Variants in CLSTN1 observed in about 807,000 individuals in gnomAD.
CLSTN1 encodes the protein calsyntenin-1.
Under a neutral mutation model 108.3 loss-of-function variants are expected in CLSTN1, and 28 were observed. That is an observed-to-expected ratio of 0.26 (90% CI 0.19 to 0.35). The LOEUF is 0.35. Among genes scored for constraint, CLSTN1 ranks in the 10% least tolerant of loss-of-function variants. The probability of loss-of-function intolerance (pLI) is 1.00; values close to 1 mark genes in which losing one functional copy is unlikely to be tolerated. For synonymous variants in CLSTN1, 524 were observed against 534.9 expected, an observed-to-expected ratio of 0.98 and a Z score of 0.28; for missense variants, 1,157 against 1,302.6, an observed-to-expected ratio of 0.89 and a Z score of 1.72.
chr1:9,760,687 T>TG (rs1652028954), intron 2 of CLSTN1, among the ~76,000 whole-genome samples: 1 of 140,552 alleles, frequency 7.1e-6, no homozygotes, highest in Admixed American at 7.0e-5. Flanking sequence ...TTCCCGGGTT[T>TG]TTTTTTTTTT....
chr1:9,800,288 A>C (rs1170178376), intron 1 of CLSTN1, among the ~76,000 whole-genome samples: 3 of 151,990 alleles, frequency 2.0e-5, no homozygotes, highest in African/African-American at 7.2e-5. Context: ...CAAAACCAAA[A>C]GCTGGTTTTT....
At chr1:9,740,425 G>T (rs1405508256) in intron 10 of CLSTN1, among the ~76,000 whole-genome samples, 2 of 152,186 alleles carry the variant, frequency 1.3e-5, no homozygotes, top group East Asian at 3.8e-4. Context: ...GGTGACACCT[G>T]GCTTGCTGCT....
intron 2 of CLSTN1, among the ~76,000 whole-genome samples, chr1:9,771,380 C>G (rs765816366): frequency 6.6e-6 from 1 of 152,050 alleles, no homozygotes; most frequent in Non-Finnish European, 1.5e-5. Context: ...CTTTGGGAGG[C>G]CAAGGCGGGT....
At chr1:9,750,618 G>A (rs1047718587) in intron 5 of CLSTN1, among the ~76,000 whole-genome samples, 8 of 150,286 alleles carry the variant, frequency 5.3e-5, no homozygotes, top group Admixed American at 1.3e-4. Context: ...AGGCTGTGGC[G>A]GGAGGATCCC....
intron 2 of CLSTN1, among the ~76,000 whole-genome samples, chr1:9,763,489 C>A (rs2101133387): frequency 6.6e-6 from 1 of 152,312 alleles, no homozygotes; most frequent in African/African-American, 2.4e-5. Context: ...CCAGATGACT[C>A]CAACACAGAC....
intron 2 of CLSTN1, among the ~76,000 whole-genome samples, chr1:9,765,967 G>C (rs1462911306): frequency 6.6e-6 from 1 of 152,068 alleles, no homozygotes; most frequent in Non-Finnish European, 1.5e-5. Context: ...AGCAAAACTG[G>C]GCAGTGAAAT....
At position 9,735,472 on chromosome 1, in the gene CLSTN1, T is replaced by G. The variant is rs1179184976; in HGVS notation, c.1878A>C (p.Thr626=). 9 of 1,614,154 alleles carry G rather than the reference T, an allele frequency of 5.6e-6. No individual in the cohort carries two copies. The highest frequency in any genetic ancestry group is 7.6e-6 in the Non-Finnish European group (9 of 1,180,020). The change falls in exon 13 of 19, where the codon ACA becomes ACC. Residue 626 remains threonine (T), a synonymous_variant. Coordinates refer to ENST00000377298, the MANE Select transcript of CLSTN1 (RefSeq NM_001009566.3). ...PGIRRLKITS[T]IKCFNEATCI... ...TGTTAAAAATCAGGACGTACTTGATTGTGCTGGTGATTTTGAGTCTGCGAA... is the reference window on the plus strand; with the variant it reads ...TGTTAAAAATCAGGACGTACTTGATGGTGCTGGTGATTTTGAGTCTGCGAA...
At chr1:9,755,334 A>G in intron 3 of CLSTN1, 25 bp from the exon 4 acceptor site, 1 of 1,577,282 alleles carries the variant, frequency 6.3e-7, no homozygotes, top group Non-Finnish European at 8.7e-7. Flanking sequence ...CAGAACAGGT[A>G]AGAATTCCTA....
intron 2 of CLSTN1, among the ~76,000 whole-genome samples, chr1:9,771,978 C>CTTT (rs750410911): frequency 6.9e-6 from 1 of 144,404 alleles, no homozygotes. Context: ...AAATAGAACA[C>CTTT]TTTTTTTTTT....
chr1:9,770,373 AAT>A (rs1193135927), intron 2 of CLSTN1, among the ~76,000 whole-genome samples: 1 of 152,216 alleles, frequency 6.6e-6, no homozygotes. Context: ...GTAAGAAAAA[AAT>A]ATTTCATTGA....
At chr1:9,779,871 T>C (rs1653160937) in intron 1 of CLSTN1, among the ~76,000 whole-genome samples, 1 of 152,044 alleles carries the variant, frequency 6.6e-6, no homozygotes, top group Non-Finnish European at 1.5e-5. Context: ...TTTTTTGAGA[T>C]GGAGTCTCAC....
chr1:9,730,216 G>A lies in CLSTN1; in HGVS notation c.*292C>T, dbSNP rs981383132. 3.8e-5 allele frequency: 19 copies of A among 504,132 alleles called. No homozygotes were observed. The highest frequency in any genetic ancestry group is 5.8e-5 in the Non-Finnish European group (16 of 277,628). The allele number at this position is 504,132 out of a possible 1,614,324, so 31.2% of individuals were successfully genotyped here. A position where few individuals can be genotyped will look rare whatever the true frequency, so the allele number is the denominator to read the frequency against. Reference sequence around the variant, plus strand: ...GAGGGGCCAGTGTCCTCTCCCCGGGGGGAGACTCCAGACACAAACGCGGGG... The same window carrying A: ...GAGGGGCCAGTGTCCTCTCCCCGGGAGGAGACTCCAGACACAAACGCGGGG... On this transcript the variant is annotated 3_prime_UTR_variant, in exon 19 of 19. Coordinates refer to ENST00000377298, the MANE Select transcript of CLSTN1 (RefSeq NM_001009566.3). The surrounding 1 kb of genome is among the most constrained non-coding windows in gnomAD (Gnocchi z 5.6).
intron 1 of CLSTN1, among the ~76,000 whole-genome samples, chr1:9,776,993 G>A (rs1652985174): frequency 6.6e-6 from 1 of 151,990 alleles, no homozygotes; most frequent in Non-Finnish European, 1.5e-5. Context: ...TGGCCACACA[G>A]ATCACTTGAG....
chr1:9,742,623 T>C (rs1432476417), intron 9 of CLSTN1, among the ~76,000 whole-genome samples: 3 of 152,226 alleles, frequency 2.0e-5, no homozygotes, highest in Non-Finnish European at 2.9e-5. Context: ...CTTTCTTTAG[T>C]TTTTTGAAAA....
chr1:9,750,484 G>A (rs1651503428), intron 5 of CLSTN1, among the ~76,000 whole-genome samples: 1 of 151,922 alleles, frequency 6.6e-6, no homozygotes, highest in Admixed American at 6.6e-5. Flanking sequence ...TGCCCAGGCT[G>A]GAGTGCAGTG....
In CLSTN1 at chr1:9,748,332, T is replaced by C. The variant is rs916552207; in HGVS notation, c.985+1129A>G. 6.6e-5 allele frequency among the ~76,000 whole-genome samples: 10 copies of C among 152,338 alleles called. No individual in the cohort carries two copies. In the East Asian group the frequency reaches 1.7e-3, roughly 26 times the overall value. ...CCGCAGCTGACAGTAAAGAGAGACC[T>C]AGCCTTCTGGTGGGTTTCCCAGTAA... On this transcript the variant is annotated intron_variant, in intron 7 of 18. Transcript: ENST00000377298.
At chr1:9,737,211 C>A (rs541783067) in intron 11 of CLSTN1, among the ~76,000 whole-genome samples, 3 of 151,952 alleles carry the variant, frequency 2.0e-5, no homozygotes, top group Admixed American at 1.3e-4. Context: ...GCCTGTAAGA[C>A]TGAAAAAGCA....
chr1:9,804,455 G>A (rs1462970410), intron 1 of CLSTN1, among the ~76,000 whole-genome samples: 4 of 152,034 alleles, frequency 2.6e-5, no homozygotes, highest in Admixed American at 6.6e-5. Context: ...CCACCTGTGA[G>A]GGCCTCCCTG....
chr1:9,821,062 A>G (rs1655172537), intron 1 of CLSTN1, among the ~76,000 whole-genome samples: 1 of 152,204 alleles, frequency 6.6e-6, no homozygotes, highest in South Asian at 2.1e-4. Context: ...CCCGATCTCC[A>G]TGAAGAAGGC....
Sources: gnomAD v4.1 joint callset for allele counts (sites outside exome capture counted in the v4.1 genomes callset) on GRCh38, gnomAD v4.1.1 for gene constraint, Gnocchi (gnomAD v3.1) non-coding constraint, MANE v1.5 for transcripts, NCBI Gene and HGNC (gene_info 2026-07-23, HGNC 2026-07-21) for gene names.